Variants in GPI observed in about 807,000 individuals in gnomAD.
GPI encodes the protein D-hexose-6-phosphate anomerase.
In GPI, 56 loss-of-function variants were observed where a neutral mutation model predicts 75.8. That is an observed-to-expected ratio of 0.74 (90% confidence interval 0.60 to 0.92). The LOEUF (loss-of-function observed/expected upper bound fraction) is 0.92. Ranked by LOEUF, GPI falls within the 40% of genes least tolerant of loss-of-function variation. GPI has a pLI of 0.00. For missense variants in GPI, 638 were observed against 741.0 expected (o/e 0.86, Z 1.61); for synonymous variants, 288 against 285.4 (o/e 1.01, Z -0.09).
Position 34,394,006 on chromosome 19 carries a change from GAC to G in GPI, c.1007_1008del (p.His336ArgfsTer6). 2 of 1,613,148 alleles carry G rather than the reference GAC, an allele frequency of 1.2e-6. No homozygotes were observed. Among genetic ancestry groups the G allele is most frequent in the Non-Finnish European group, 1.7e-6 (2 of 1,179,606 alleles). On this transcript the variant is annotated frameshift_variant, in exon 12 of 18. Coordinates refer to ENST00000356487, the MANE Select transcript of GPI (RefSeq NM_000175.5). LOFTEE classifies it high-confidence loss of function. Reference sequence around the variant, plus strand: ...GGTACATCAACTGCTTTGGGTGTGAGACACACGCCATGCTGCCCTATGACCAG... The same window carrying G: ...GGTACATCAACTGCTTTGGGTGTGAGACACGCCATGCTGCCCTATGACCAG... ...IWYINCFGCE[T>X]HAMLPYDQYL...
chr19:34,362,854 A>G, upstream of GPI, among the ~76,000 whole-genome samples: 1 of 152,140 alleles, frequency 6.6e-6, no homozygotes, highest in East Asian at 1.9e-4. Context: ...CTGGAAAAGG[A>G]CCCTGTTTAG....
chr19:34,365,522 AGGC>A, intron 1 of GPI, 134 bp downstream of exon 1: 1 of 1,372,094 alleles, frequency 7.3e-7, no homozygotes, highest in South Asian at 1.2e-5. Context: ...ACTGGGGCCC[AGGC>A]CGAGTCCGCA....
intron 4 of GPI, among the ~76,000 whole-genome samples, chr19:34,375,468 C>T (rs1250950180): frequency 6.6e-6 from 1 of 152,086 alleles, no homozygotes; most frequent in African/African-American, 2.4e-5. Flanking sequence ...CTTTTATTAC[C>T]TCTCACAGTG....
chr19:34,368,897 T>C, intron 4 of GPI, 195 bp downstream of exon 4: 3 of 660,744 alleles, frequency 4.5e-6, no homozygotes, highest in Non-Finnish European at 8.1e-6. Context: ...CTGGCTCTGC[T>C]CTGAAGGAAT....
At chr19:34,375,464 T>C (rs897148161) in intron 4 of GPI, among the ~76,000 whole-genome samples, 12 of 152,134 alleles carry the variant, frequency 7.9e-5, no homozygotes, top group African/African-American at 1.2e-4. Flanking sequence ...TAAACTTTTA[T>C]TACCTCTCAC....
intron 9 of GPI, chr19:34,392,351 G>C (rs554601814): frequency 2.5e-4 from 1 of 4,038 alleles, no homozygotes; most frequent in South Asian, 7.5e-3. Flanking sequence ...GAGGAAGTAG[G>C]ATCTGATACA....
At chr19:34,376,768 C>T (rs988708002) in intron 4 of GPI, among the ~76,000 whole-genome samples, 4 of 151,952 alleles carry the variant, frequency 2.6e-5, no homozygotes, top group South Asian at 2.1e-4. Context: ...AAGTAAATAG[C>T]GAGGCGCGGT....
In GPI at chr19:34,400,228, C is replaced by T. The variant is rs2075003314; in HGVS notation, c.*192C>T. ...CAGCCCCTCCATGTCTATGCTCCCT[C>T]TGTGTTAGAATTGGCTGAAGTGTTT... On this transcript the variant is annotated 3_prime_UTR_variant, in exon 18 of 18. Coordinates refer to ENST00000356487, the MANE Select transcript of GPI (RefSeq NM_000175.5). 1 of 662,256 alleles carries T rather than the reference C, an allele frequency of 1.5e-6. No homozygotes were observed. The highest frequency in any genetic ancestry group is 1.8e-5 in the African/African-American group (1 of 55,946). The allele number at this position is 662,256 out of a possible 1,614,324, so 41.0% of individuals were successfully genotyped here.
intron 4 of GPI, among the ~76,000 whole-genome samples, chr19:34,373,768 A>G (rs2074491041): frequency 6.6e-6 from 1 of 152,194 alleles, no homozygotes; most frequent in Non-Finnish European, 1.5e-5. Context: ...GGATGTGGTC[A>G]TTTGAAGGCT....
intron 2 of GPI, 33 bp from the exon 3 acceptor site, chr19:34,366,750 G>A (rs202081494): frequency 1.3e-6 from 2 of 1,540,886 alleles, no homozygotes; most frequent in Admixed American, 1.7e-5. Flanking sequence ...GCCAGTGTGG[G>A]TGGGACCAGG....
intron 15 of GPI, 61 bp downstream of exon 15, chr19:34,399,396 C>A: frequency 6.2e-7 from 1 of 1,609,736 alleles, no homozygotes. Context: ...GAAGCTATGG[C>A]ACCAGGCAGG....
rs998003065 is a variant in GPI at position 34,377,732 on chromosome 19, C to A, written c.487-3C>A. On this transcript the variant is annotated splice_region_variant and splice_polypyrimidine_tract_variant and intron_variant, in intron 5 of 17. Coordinates refer to ENST00000356487, the MANE Select transcript of GPI (RefSeq NM_000175.5). Reference sequence around the variant, plus strand: ...TATTCTCTGATGCTATGTCTCCCCGCAGGGACCCCTCATGGTGACTGAAGC... The same window carrying A: ...TATTCTCTGATGCTATGTCTCCCCGAAGGGACCCCTCATGGTGACTGAAGC... The A allele has an allele frequency of 6.2e-7, 1 of 1,613,810 alleles. No individual in the cohort carries two copies. Among genetic ancestry groups the A allele is most frequent in the African/African-American group, 1.3e-5 (1 of 74,886 alleles).
At position 34,400,750 on chromosome 19, in the gene GPI, A is replaced by C. The variant is rs1047400307; in HGVS notation, c.*714A>C. 2.5e-6 allele frequency: 1 copy of C among 392,274 alleles called. No individual in the cohort carries two copies. Among genetic ancestry groups the C allele is most frequent in the Non-Finnish European group, 4.5e-6 (1 of 222,630 alleles). The allele number at this position is 392,274 out of a possible 1,614,324, so 24.3% of individuals were successfully genotyped here. ...TGAAAACTGGAATTTTTTTTTTTTG[A>C]GTCTCGCTCTGTCACCCAGACTGGA... is the stretch of plus-strand genomic sequence containing the variant. On this transcript the variant is annotated 3_prime_UTR_variant, in exon 18 of 18. Coordinates refer to ENST00000356487, the MANE Select transcript of GPI (RefSeq NM_000175.5).
intron 12 of GPI, 107 bp downstream of exon 12, chr19:34,394,173 C>G: frequency 1.2e-6 from 1 of 807,782 alleles, no homozygotes; most frequent in East Asian, 2.6e-5. Flanking sequence ...CCCCATTGCC[C>G]TTGGGCCTGG....
chr19:34,400,031 C>T lies in GPI; in HGVS notation c.1672C>T (p.Gln558Ter). The change falls in exon 18 of 18, where the codon CAA becomes TAA. Residue 558 changes from glutamine (Q) to a stop codon, truncating the protein, a stop_gained. Coordinates refer to ENST00000356487, the MANE Select transcript of GPI (RefSeq NM_000175.5). LOFTEE classifies it high-confidence loss of function. ...CAAGCAGCAGCGCGAGGCCAGAGTC[C>T]AATAAACTCGTGCTCATCTGCAGCC... ...FIKQQREARVQ is the reference protein window; with the variant it reads ...FIKQQREARV The T allele has an allele frequency of 1.9e-6, 3 of 1,611,568 alleles. No individual in the cohort carries two copies. The highest frequency in any genetic ancestry group is 2.5e-6 in the Non-Finnish European group (3 of 1,179,982).
intron 9 of GPI, among the ~76,000 whole-genome samples, chr19:34,384,880 T>C (rs2074709721): frequency 6.7e-6 from 1 of 149,912 alleles, no homozygotes. Context: ...CCGTCTCTAC[T>C]AAAACTACAA....
intron 8 of GPI, chr19:34,380,687 G>C (rs2074636827): frequency 6.4e-6 from 1 of 156,336 alleles, no homozygotes; most frequent in South Asian, 2.0e-4. Context: ...GCTCAGCAGG[G>C]CATGACAGAG....
At chr19:34,391,056 C>G (rs970956102) in intron 9 of GPI, among the ~76,000 whole-genome samples, 1 of 151,794 alleles carries the variant, frequency 6.6e-6, no homozygotes, top group African/African-American at 2.4e-5. Context: ...GCACCTGGCA[C>G]AGATATGAGG....
chr19:34,379,644 C>T (rs8191383), intron 8 of GPI, 82 bp downstream of exon 8: 61 of 1,150,414 alleles, frequency 5.3e-5, no homozygotes, highest in East Asian at 2.6e-4. Flanking sequence ...AGACGCGGTT[C>T]GTAGGTCTGG....
Sources: allele counts gnomAD v4.1 joint callset (sites outside exome capture counted in the v4.1 genomes callset), GRCh38; gene constraint gnomAD v4.1.1; transcripts MANE v1.5; gene names NCBI Gene and HGNC (gene_info 2026-07-23, HGNC 2026-07-21).